The following KIAA0232 variants were observed in gnomAD, a reference collection of about 807,000 sequenced individuals.
KIAA0232 encodes KIAA0232.
A neutral mutation model predicts 122.0 loss-of-function variants in KIAA0232; 27 were observed. That is an observed-to-expected ratio of 0.22 (90% confidence interval 0.16 to 0.31). The LOEUF (loss-of-function observed/expected upper bound fraction) is 0.31. KIAA0232 is among the 10% of genes least tolerant of loss of function. KIAA0232 has a pLI of 1.00. For missense variants in KIAA0232, 1,551 were observed against 1,634.2 expected (o/e 0.95, Z 0.88); for synonymous variants, 613 against 587.6 (o/e 1.04, Z -0.63).
At chr4:6,834,458 A>G (rs1236384833) in intron 3 of KIAA0232, among the ~76,000 whole-genome samples, 2 of 152,190 alleles carry the variant, frequency 1.3e-5, no homozygotes, top group African/African-American at 2.4e-5. Flanking sequence ...TTATTTTCCT[A>G]TTAACTACTC....
At chr4:6,803,415 A>T (rs1006429623) in intron 1 of KIAA0232, among the ~76,000 whole-genome samples, 2 of 152,166 alleles carry the variant, frequency 1.3e-5, no homozygotes, top group African/African-American at 4.8e-5. Context: ...TGAATGTTCA[A>T]GGGTCTGTCA....
intron 4 of KIAA0232, among the ~76,000 whole-genome samples, chr4:6,846,189 C>T (rs1719956834): frequency 6.6e-6 from 1 of 151,974 alleles, no homozygotes; most frequent in African/African-American, 2.4e-5. Context: ...AGTGAATGTG[C>T]CAGGCATAAC....
At chr4:6,841,480 T>C (rs1719659372) in intron 3 of KIAA0232, among the ~76,000 whole-genome samples, 1 of 152,246 alleles carries the variant, frequency 6.6e-6, no homozygotes, top group South Asian at 2.1e-4. Context: ...GTTAAACTCA[T>C]GCTTGTGGAT....
chr4:6,832,452 G>A (rs1393530924), intron 3 of KIAA0232, among the ~76,000 whole-genome samples: 3 of 151,108 alleles, frequency 2.0e-5, no homozygotes, highest in East Asian at 1.9e-4. Context: ...AGGTTCAAGC[G>A]ATTCTCCTGC....
At chr4:6,818,909 C>G (rs535343807) in intron 2 of KIAA0232, among the ~76,000 whole-genome samples, 4 of 152,172 alleles carry the variant, frequency 2.6e-5, no homozygotes, top group Non-Finnish European at 2.9e-5. Context: ...ATAGAGAACC[C>G]AGAAATAAAG....
chr4:6,883,709 A>T lies in KIAA0232; in HGVS notation c.*2743A>T, dbSNP rs1034749542. On this transcript the variant is annotated 3_prime_UTR_variant, in exon 10 of 10. Transcript: ENST00000307659. The stretch of plus-strand genomic sequence containing the variant: ...TCTGGGGAAAAAATTAAATCTTTAT[A>T]TGTTAATATGATTGATATTCATTGT... 1 of 152,222 alleles carries T rather than the reference A, an allele frequency of 6.6e-6. No individual in the cohort carries two copies. Among genetic ancestry groups the T allele is most frequent in the Non-Finnish European group, 1.5e-5 (1 of 68,032 alleles). 9.4% of individuals were successfully genotyped at this position (152,222 alleles called of 1,614,324 possible). A position where few individuals can be genotyped will look rare whatever the true frequency, so the allele number is the denominator to read the frequency against.
At chr4:6,847,526 T>C (rs1216970596) in intron 4 of KIAA0232, among the ~76,000 whole-genome samples, 2 of 152,246 alleles carry the variant, frequency 1.3e-5, no homozygotes, top group Admixed American at 6.5e-5. Flanking sequence ...GAGCAGTTGG[T>C]GAATATTTCT....
At chr4:6,827,648 A>G (rs545313861) in intron 3 of KIAA0232, among the ~76,000 whole-genome samples, 1 of 152,336 alleles carries the variant, frequency 6.6e-6, no homozygotes, top group Admixed American at 6.5e-5. Context: ...GAGTTCTAAA[A>G]CAGATTTTAT....
In KIAA0232 at chr4:6,861,306, A is replaced by G; in HGVS notation, c.924A>G (p.Ala308=). 1 of 1,614,150 alleles carries G rather than the reference A, an allele frequency of 6.2e-7. No homozygotes were observed. Among genetic ancestry groups the G allele is most frequent in the Non-Finnish European group, 8.5e-7 (1 of 1,180,036 alleles). The change falls in exon 7 of 10, where the codon GCA becomes GCG. Residue 308 remains alanine (A), a synonymous_variant. Transcript: ENST00000307659. ...GTGGGAATCAGGGAGAATTAAAAGC[A>G]TCCATGAAGTATGTTAAAGTAAGAC... The part of the protein sequence containing the change: ...SSSGNQGELK[A]SMKYVKVRHK...
intron 1 of KIAA0232, among the ~76,000 whole-genome samples, chr4:6,791,408 C>T (rs1348537547): frequency 7.0e-6 from 1 of 142,240 alleles, no homozygotes; most frequent in Non-Finnish European, 1.5e-5. Flanking sequence ...TCACTGTAGC[C>T]TTGGCCACCT....
In KIAA0232 at chr4:6,850,672, C is replaced by CT. The variant is rs373194091; in HGVS notation, c.370-6477dup. The stretch of plus-strand genomic sequence containing the variant: ...AATAAAGAAAGTAGAAAGGAACATT[C>CT]TTTTTTTTTTTTTTTAGACGGAGTC... On this transcript the variant is annotated intron_variant, in intron 4 of 9. Transcript: ENST00000307659. 4.8e-3 allele frequency among the ~76,000 whole-genome samples: 676 copies of CT among 139,868 alleles called. 1 individual carries two copies. The highest frequency in any genetic ancestry group is 0.027 in the South Asian group (118 of 4,422). 91.8% of individuals were successfully genotyped at this position (139,868 alleles called of 152,430 possible). A position where few individuals can be genotyped will look rare whatever the true frequency, so the allele number is the denominator to read the frequency against.
chr4:6,846,453 A>G (rs1359722139), intron 4 of KIAA0232, among the ~76,000 whole-genome samples: 1 of 152,046 alleles, frequency 6.6e-6, no homozygotes, highest in Non-Finnish European at 1.5e-5. Context: ...TAGGAGCACA[A>G]ACCCTATTGT....
chr4:6,806,974 C>T (rs1342660367), intron 2 of KIAA0232, among the ~76,000 whole-genome samples: 3 of 151,956 alleles, frequency 2.0e-5, no homozygotes, highest in Non-Finnish European at 4.4e-5. Flanking sequence ...TAGAACTGAT[C>T]GCTTTCACCT....
chr4:6,797,379 T>G (rs900120796), intron 1 of KIAA0232, among the ~76,000 whole-genome samples: 1 of 152,250 alleles, frequency 6.6e-6, no homozygotes, highest in Non-Finnish European at 1.5e-5. Context: ...CCTCCAGGCC[T>G]GTTGGGACAG....
chr4:6,857,106 A>C, intron 4 of KIAA0232, 58 bp from the exon 5 acceptor site: 3 of 1,307,936 alleles, frequency 2.3e-6, no homozygotes, highest in South Asian at 3.1e-5. Context: ...AAAGTATACA[A>C]ATACCTGATT....
chr4:6,850,275 T>C (rs141412585), intron 4 of KIAA0232, among the ~76,000 whole-genome samples: 32 of 152,262 alleles, frequency 2.1e-4, no homozygotes, highest in African/African-American at 7.7e-4. Context: ...AGCCAGGTGT[T>C]GGGGGCACAG....
At chr4:6,854,098 A>C (rs897177696) in intron 4 of KIAA0232, among the ~76,000 whole-genome samples, 1 of 152,200 alleles carries the variant, frequency 6.6e-6, no homozygotes, top group South Asian at 2.1e-4. Flanking sequence ...CTCAAAATCA[A>C]ATCATAGCAA....
intron 6 of KIAA0232, 113 bp from the exon 7 acceptor site, chr4:6,860,788 G>A: frequency 1.1e-6 from 1 of 892,202 alleles, no homozygotes; most frequent in Non-Finnish European, 1.8e-6. Flanking sequence ...TGGATGATGT[G>A]AATGTTGACA....
intron 7 of KIAA0232, among the ~76,000 whole-genome samples, chr4:6,864,737 C>CAAAAAAAAAAAAAA (rs59573520): frequency 1.4e-5 from 1 of 70,312 alleles, no homozygotes; most frequent in Non-Finnish European, 2.6e-5. Context: ...GACTCCATCT[C>CAAAAAAAAAAAAAA]AAAAAAAAAA....
Sources: allele counts gnomAD v4.1 joint callset (sites outside exome capture counted in the v4.1 genomes callset), GRCh38; gene constraint gnomAD v4.1.1; transcripts MANE v1.5; gene names NCBI Gene and HGNC (gene_info 2026-07-23, HGNC 2026-07-21).